KIAA1217: variants seen among roughly 807,000 people sequenced by gnomAD.
The protein encoded by KIAA1217 is sickle tail protein homolog.
KIAA1217 carries 88 observed loss-of-function variants against 163.9 expected under a neutral mutation model. The ratio of observed to expected loss-of-function variants is 0.54; its 90% CI spans 0.45 to 0.64. KIAA1217 has a LOEUF of 0.64. KIAA1217 is among the 30% of genes least tolerant of loss of function. The pLI is 0.00. For missense variants in KIAA1217, 2,372 were observed against 2,475.0 expected (o/e 0.96, Z 0.88); for synonymous variants, 903 against 923.1 (o/e 0.98, Z 0.39).
At chr10:23,861,216 T>C (rs1839936067) in intron 1 of KIAA1217, among the ~76,000 whole-genome samples, 3 of 152,184 alleles carry the variant, frequency 2.0e-5, no homozygotes. Flanking sequence ...CCTGGCCAGA[T>C]CCTGACTTTT....
chr10:24,318,859 T>C (rs1327954528), intron 2 of KIAA1217, among the ~76,000 whole-genome samples: 1 of 152,236 alleles, frequency 6.6e-6, no homozygotes, highest in East Asian at 1.9e-4. Context: ...ATTAGCCCAG[T>C]GTGTAACAAG....
chr10:24,095,154 A>T (rs529024959), intron 2 of KIAA1217, among the ~76,000 whole-genome samples: 97 of 152,284 alleles, frequency 6.4e-4, no homozygotes, highest in African/African-American at 2.2e-3. Flanking sequence ...TTCCTTGACC[A>T]GGAAAGGGAA....
chr10:23,773,222 C>A (rs1455966268), intron 1 of KIAA1217, among the ~76,000 whole-genome samples: 1 of 152,292 alleles, frequency 6.6e-6, no homozygotes, highest in East Asian at 1.9e-4. Flanking sequence ...CTCAGGGAAT[C>A]ATTTCCCCAT....
chr10:24,082,338 C>T (rs1345966879), intron 2 of KIAA1217, among the ~76,000 whole-genome samples: 1 of 152,088 alleles, frequency 6.6e-6, no homozygotes, highest in East Asian at 1.9e-4. Flanking sequence ...CACCTATCAA[C>T]CCATCACCTA....
At chr10:24,174,174 G>A (rs889096415) in intron 2 of KIAA1217, among the ~76,000 whole-genome samples, 2 of 152,338 alleles carry the variant, frequency 1.3e-5, no homozygotes. Flanking sequence ...TTATGGAATG[G>A]CAATAGGACA....
At chr10:24,102,217 A>G (rs968594835) in intron 2 of KIAA1217, among the ~76,000 whole-genome samples, 1 of 152,208 alleles carries the variant, frequency 6.6e-6, no homozygotes, top group Non-Finnish European at 1.5e-5. Flanking sequence ...ATGTTAATAT[A>G]CAAAAGTCAG....
At chr10:23,807,572 C>T (rs1228731964) in intron 1 of KIAA1217, among the ~76,000 whole-genome samples, 2 of 152,166 alleles carry the variant, frequency 1.3e-5, no homozygotes, top group Non-Finnish European at 2.9e-5. Flanking sequence ...CTTTATTCTT[C>T]AAGCAAATGG....
chr10:24,486,445 G>A (rs990009514), intron 6 of KIAA1217, among the ~76,000 whole-genome samples: 2 of 152,192 alleles, frequency 1.3e-5, no homozygotes, highest in East Asian at 1.9e-4. Flanking sequence ...GTATCCTGGT[G>A]TGGAGAATAA....
chr10:24,213,685 T>TATGA (rs1347480046), intron 1 of KIAA1217, among the ~76,000 whole-genome samples: 1 of 152,146 alleles, frequency 6.6e-6, no homozygotes, highest in Non-Finnish European at 1.5e-5. Context: ...TAAATATTTG[T>TATGA]ATGAATGAAT....
intron 2 of KIAA1217, among the ~76,000 whole-genome samples, chr10:24,194,862 C>T (rs1001357737): frequency 6.7e-6 from 1 of 149,988 alleles, no homozygotes; most frequent in African/African-American, 2.5e-5. Context: ...CCAGCCTTGG[C>T]CTCCCAAAAT....
intron 2 of KIAA1217, among the ~76,000 whole-genome samples, chr10:24,334,267 T>C (rs1163524322): frequency 2.6e-5 from 4 of 152,158 alleles, no homozygotes; most frequent in African/African-American, 4.8e-5. Context: ...GGGTTGGGCA[T>C]GGCGGAGCAT....
At chr10:24,046,361 G>T (rs1006682107) in intron 2 of KIAA1217, among the ~76,000 whole-genome samples, 1 of 152,018 alleles carries the variant, frequency 6.6e-6, no homozygotes, top group Non-Finnish European at 1.5e-5. Flanking sequence ...TAGTCCTATT[G>T]CTATTCCTAT....
intron 2 of KIAA1217, among the ~76,000 whole-genome samples, chr10:24,375,378 G>A (rs1333053590): frequency 4.6e-5 from 7 of 152,224 alleles, no homozygotes; most frequent in Non-Finnish European, 8.8e-5. Flanking sequence ...GACTCTGTAA[G>A]CAAATTTAGA....
chr10:24,395,225 C>T (rs1386653646), intron 3 of KIAA1217, among the ~76,000 whole-genome samples: 2 of 152,140 alleles, frequency 1.3e-5, no homozygotes, highest in African/African-American at 4.8e-5. Flanking sequence ...CTTTGCTGTT[C>T]TTATTTTTGA....
intron 3 of KIAA1217, among the ~76,000 whole-genome samples, chr10:24,420,193 C>T (rs1012367583): frequency 1.3e-5 from 2 of 152,208 alleles, no homozygotes; most frequent in Non-Finnish European, 2.9e-5. Flanking sequence ...TATTTTCCCA[C>T]ATCCTCACCA....
intron 1 of KIAA1217, among the ~76,000 whole-genome samples, chr10:23,822,481 A>G (rs1376545626): frequency 6.6e-6 from 1 of 152,228 alleles, no homozygotes; most frequent in Non-Finnish European, 1.5e-5. Context: ...GAAAATTTGC[A>G]AAATTGATAT....
chr10:24,545,797 C>A (rs2075682199), intron 20 of KIAA1217, 30 bp from the exon 21 acceptor site: 1 of 1,553,650 alleles, frequency 6.4e-7, no homozygotes, highest in Non-Finnish European at 8.7e-7. Flanking sequence ...GCCTTTCTGA[C>A]AAAATGTCTC....
intron 2 of KIAA1217, among the ~76,000 whole-genome samples, chr10:24,248,652 C>A (rs1403351200): frequency 1.3e-5 from 1 of 76,406 alleles, no homozygotes; most frequent in Non-Finnish European, 2.3e-5. Flanking sequence ...GCCTGGGCAA[C>A]AAAGCAAGAC....
chr10:24,010,748 C>T (rs1246511153), intron 2 of KIAA1217, among the ~76,000 whole-genome samples: 1 of 151,784 alleles, frequency 6.6e-6, no homozygotes, highest in Admixed American at 6.6e-5. Context: ...AATACACTTG[C>T]ATTCTGCTAA....
Sources: gnomAD v4.1 joint callset for allele counts (sites outside exome capture counted in the v4.1 genomes callset) on GRCh38, gnomAD v4.1.1 for gene constraint, MANE v1.5 for transcripts, NCBI Gene and HGNC (gene_info 2026-07-23, HGNC 2026-07-21) for gene names.